Variants in KALRN observed in about 807,000 individuals in gnomAD.
KALRN encodes kalirin RhoGEF kinase.
Under a neutral mutation model 353.7 loss-of-function variants are expected in KALRN, and 70 were observed. The ratio of observed to expected loss-of-function variants is 0.20; its 90% CI spans 0.16 to 0.24. KALRN has a LOEUF of 0.24. Ranked by LOEUF, KALRN falls within the 10% of genes least tolerant of loss-of-function variation. The pLI, the probability that KALRN is intolerant of heterozygous loss-of-function variation, is 1.00. For missense variants in KALRN, 2,791 were observed against 3,756.7 expected, an observed-to-expected ratio of 0.74 and a Z score of 6.72; for synonymous variants, 1,391 against 1,434.8, an observed-to-expected ratio of 0.97 and a Z score of 0.69.
At chr3:124,511,707 G>C (rs2065920943) in intron 33 of KALRN, among the ~76,000 whole-genome samples, 1 of 152,146 alleles carries the variant, frequency 6.6e-6, no homozygotes, top group South Asian at 2.1e-4. Flanking sequence ...GTACGTGTGT[G>C]ATCAGCTTCA....
intron 5 of KALRN, among the ~76,000 whole-genome samples, chr3:124,295,917 G>A (rs2076808365): frequency 6.6e-6 from 1 of 152,148 alleles, no homozygotes; most frequent in Admixed American, 6.5e-5. Context: ...TGATGTGAGG[G>A]TAGCTGAGGC....
rs539734620 is a variant in KALRN, at chr3:124,210,410, T to C, written c.74-17580T>C. On this transcript the variant is annotated intron_variant, in intron 1 of 59. Transcript: ENST00000682506. ...CATAAACTAATGATACATTTTGCAA[T>C]TCACTAAATATGGTATTTCCCCAGC... 3.3e-5 allele frequency among the ~76,000 whole-genome samples: 5 copies of C among 152,322 alleles called. No individual in the cohort carries two copies. The South Asian group carries it at 1.0e-3, about 32-fold the overall frequency.
rs543842940 is a variant in KALRN at position 124,632,666 on chromosome 3, G to A, written c.5429G>A (p.Gly1810Glu). Residue 1810 changes from glycine (G) to glutamate (E), a missense_variant, in exon 35 of 60, where the codon GGG becomes GAG. This residue lies in a region of KALRN where 1,065 missense variants were observed against 1,156.4 expected (regional missense o/e 0.92). Coordinates refer to ENST00000682506, the MANE Select transcript of KALRN (RefSeq NM_001388419.1). ...TTTGACCTGGGATCTCCCAAGCCTG[G>A]GGATGAAACAACCCCTCAGGGAGAC... ...KSFDLGSPKP[G>E]DETTPQGDSA... 7.4e-6 allele frequency: 12 copies of A among 1,614,132 alleles called. No homozygotes were observed. In the African/African-American group the frequency reaches 9.3e-5, roughly 13 times the overall value.
intron 6 of KALRN, among the ~76,000 whole-genome samples, chr3:124,301,102 A>G (rs1234258764): frequency 6.6e-6 from 1 of 152,242 alleles, no homozygotes; most frequent in Non-Finnish European, 1.5e-5. Flanking sequence ...CAACAAAGAC[A>G]ACCATAATTA....
Position 124,116,155 on chromosome 3 carries a change from T to C in KALRN, c.73+82342T>C, listed in dbSNP as rs565811818. On this transcript the variant is annotated intron_variant, in intron 1 of 59. Transcript: ENST00000682506. ...CTCTCTTCCCTCTGGTGGCCAGATA[T>C]CTTCTCTTTGGTCATGGCTAGAGAC... 6.6e-5 allele frequency among the ~76,000 whole-genome samples: 10 copies of C among 152,322 alleles called. No individual in the cohort carries two copies. The South Asian group carries it at 2.1e-3, about 32-fold the overall frequency.
chr3:124,303,156 G>A (rs17377867), intron 6 of KALRN, among the ~76,000 whole-genome samples: 9,716 of 152,216 alleles, frequency 0.064, 446 homozygotes, highest in Non-Finnish European at 0.092. Flanking sequence ...CATACCAAGA[G>A]TGTGGGAGTG....
intron 1 of KALRN, among the ~76,000 whole-genome samples, chr3:124,060,683 C>A (rs753927934): frequency 2.7e-4 from 41 of 152,222 alleles, no homozygotes; most frequent in South Asian, 4.1e-4. Flanking sequence ...ATATTGCAAG[C>A]ACAGGGAAGT....
intron 25 of KALRN, among the ~76,000 whole-genome samples, chr3:124,470,576 C>T (rs2060790639): frequency 6.6e-6 from 1 of 152,078 alleles, no homozygotes; most frequent in Admixed American, 6.5e-5. Flanking sequence ...TAAATTAAAT[C>T]CTATAGAGCC....
chr3:124,368,609 C>T (rs1192700492), intron 10 of KALRN, among the ~76,000 whole-genome samples: 2 of 147,636 alleles, frequency 1.4e-5, no homozygotes, highest in African/African-American at 2.5e-5. Context: ...CTCCTCACAT[C>T]CCAGACGATG....
At chr3:124,692,243 T>C (rs1000200732) in intron 51 of KALRN, among the ~76,000 whole-genome samples, 2 of 152,176 alleles carry the variant, frequency 1.3e-5, no homozygotes, top group South Asian at 4.1e-4. Flanking sequence ...GTGTAAGTGG[T>C]CTTTTGAGAC....
chr3:124,142,653 C>T (rs868541621), intron 1 of KALRN, among the ~76,000 whole-genome samples: 5 of 151,986 alleles, frequency 3.3e-5, no homozygotes, highest in African/African-American at 9.7e-5. Context: ...CATTTGTGAG[C>T]GGCTCCGTGG....
chr3:124,091,259 A>T (rs1011230993), intron 1 of KALRN, among the ~76,000 whole-genome samples: 3 of 152,224 alleles, frequency 2.0e-5, no homozygotes, highest in African/African-American at 7.2e-5. Flanking sequence ...GAGGGAGATC[A>T]GTATGTCTGT....
chr3:124,066,813 A>G (rs1366333770), intron 1 of KALRN, among the ~76,000 whole-genome samples: 1 of 152,184 alleles, frequency 6.6e-6, no homozygotes, highest in Admixed American at 6.6e-5. Context: ...GTGGAGAGTG[A>G]TGGAAGGGCA....
chr3:124,474,619 A>G (rs1176723747), intron 25 of KALRN, 44 bp from the exon 26 acceptor site: 2 of 1,495,190 alleles, frequency 1.3e-6, no homozygotes, highest in East Asian at 2.3e-5. Context: ...CTGGGGGGTC[A>G]GCTGCACAGA....
intron 34 of KALRN, among the ~76,000 whole-genome samples, chr3:124,583,197 G>T (rs1372913533): frequency 2.0e-5 from 3 of 152,158 alleles, no homozygotes; most frequent in Admixed American, 2.0e-4. Flanking sequence ...TTCCAGGAAG[G>T]CATTGGTTAC....
In KALRN at chr3:124,434,542, T is replaced by C. The variant is rs2093396021; in HGVS notation, c.3048+17T>C. The C allele has an allele frequency of 6.2e-7, 1 of 1,610,514 alleles. No homozygotes were observed. The highest frequency in any genetic ancestry group is 2.2e-5 in the East Asian group (1 of 44,814). ...TCTGAACAGGTGAGGGAAAAGACTGTGGGGCTTGTGGGGCTGAGATTGCCA... is the reference window on the plus strand; with the variant it reads ...TCTGAACAGGTGAGGGAAAAGACTGCGGGGCTTGTGGGGCTGAGATTGCCA... On this transcript the variant is annotated intron_variant, in intron 17 of 59. Transcript: ENST00000682506.
intron 12 of KALRN, 45 bp from the exon 13 acceptor site, chr3:124,398,652 A>G: frequency 1.2e-6 from 2 of 1,603,394 alleles, no homozygotes; most frequent in Non-Finnish European, 1.7e-6. Flanking sequence ...CACTTTTAAC[A>G]TGGAAAGGCC....
chr3:124,331,519 C>T (rs1017632207), intron 8 of KALRN, among the ~76,000 whole-genome samples: 3 of 152,158 alleles, frequency 2.0e-5, no homozygotes, highest in Admixed American at 6.5e-5. Flanking sequence ...CAGTGTCTGA[C>T]AGTAATGAAT....
At chr3:124,116,398 T>C (rs1307095319) in intron 1 of KALRN, among the ~76,000 whole-genome samples, 3 of 152,188 alleles carry the variant, frequency 2.0e-5, no homozygotes, top group Non-Finnish European at 2.9e-5. Context: ...TAAGTGCTTA[T>C]CTCAACCTTC....
Sources: allele counts gnomAD v4.1 joint callset (sites outside exome capture counted in the v4.1 genomes callset), GRCh38; gene constraint gnomAD v4.1.1; regional missense constraint gnomAD v4.1.1; transcripts MANE v1.5; gene names NCBI Gene and HGNC (gene_info 2026-07-23, HGNC 2026-07-21).